Variants in TEP1 observed in about 807,000 individuals in gnomAD.
TEP1 encodes telomerase protein component 1.
A neutral mutation model predicts 306.3 loss-of-function variants in TEP1; 241 were observed. The ratio of observed to expected loss-of-function variants is 0.79; its 90% confidence interval spans 0.71 to 0.88. The LOEUF (loss-of-function observed/expected upper bound fraction) is 0.88. Among genes scored for constraint, TEP1 ranks in the 40% least tolerant of loss-of-function variants. TEP1 has a pLI of 0.00. For synonymous variants in TEP1, 1,289 were observed against 1,305.5 expected (o/e 0.99, Z 0.27); for missense variants, 3,051 against 3,276.1 (o/e 0.93, Z 1.68).
At chr14:20,403,497 T>C (rs750963338) in intron 6 of TEP1, 49 bp from the exon 7 acceptor site, 92 of 1,611,442 alleles carry the variant, frequency 5.7e-5, no homozygotes, top group Non-Finnish European at 7.4e-5. Context: ...TGGCTGTCCT[T>C]GAAGAGATCC....
rs762700538 is a variant in TEP1, at chr14:20,379,117, G to C, written c.5128-12C>G. The C allele has an allele frequency of 5.0e-6, 8 of 1,613,558 alleles. No individual in the cohort carries two copies. The highest frequency in any genetic ancestry group is 6.8e-6 in the Non-Finnish European group (8 of 1,179,696). On this transcript the variant is annotated splice_polypyrimidine_tract_variant and intron_variant, in intron 35 of 54. Coordinates refer to ENST00000262715, the MANE Select transcript of TEP1 (RefSeq NM_007110.5). ...ACAGACTTCTCCTCCTGCGACAGTG[G>C]GTGAGGGAGCGCAGCTCAGGCCATC...
chr14:20,412,862 G>T (rs1026422615), intron 1 of TEP1, among the ~76,000 whole-genome samples: 13 of 151,756 alleles, frequency 8.6e-5, no homozygotes, highest in Admixed American at 2.0e-4. Flanking sequence ...TTTTCACCAT[G>T]TTGGTCAGGC....
At chr14:20,380,088 A>G (rs750118597) in intron 34 of TEP1, 35 bp from the exon 35 acceptor site, 9 of 1,600,988 alleles carry the variant, frequency 5.6e-6, no homozygotes, top group Non-Finnish European at 7.7e-6. Context: ...GAGGAAATAA[A>G]CGAGAGAATG....
rs768190702 is a variant in TEP1 at position 20,381,975 on chromosome 14, A to G, written c.4362T>C (p.Ala1454=). The change falls in exon 30 of 55, where the codon GCT becomes GCC. Residue 1454 remains alanine, a synonymous_variant. Coordinates refer to ENST00000262715, the MANE Select transcript of TEP1 (RefSeq NM_007110.5). This position sits in a 1 kb window ranked among gnomAD's most constrained non-coding sequence, Gnocchi z 4.0. ...TGGGGTAGGGGTCTCCACTGTTACC[A>G]GCAGCCACTGCTTCTTCCCAGCTCT... The part of the protein sequence containing the change: ...GTKSWEEAVA[A]GNSGDPYPMG... 1 of 1,614,146 alleles carries G rather than the reference A, an allele frequency of 6.2e-7. No homozygotes were observed. The highest frequency in any genetic ancestry group is 1.7e-5 in the Admixed American group (1 of 60,022).
Position 20,403,852 on chromosome 14 carries a change from C to T in TEP1, c.1065G>A (p.Val355=), listed in dbSNP as rs1056719653. 1 of 1,613,990 alleles carries T rather than the reference C, an allele frequency of 6.2e-7. No homozygotes were observed. Among genetic ancestry groups the T allele is most frequent in the Non-Finnish European group, 8.5e-7 (1 of 1,180,016 alleles). The change falls in exon 6 of 55, where the codon GTG becomes GTA. Residue 355 remains valine, a synonymous_variant. Transcript: ENST00000262715. The part of the protein sequence containing the change: ...SLAEGDKNKL[V]PLPACLRTAM... ...CAGTACGGAGACAGGCGGGCAGGGGCACCAGCTTATTCTTATCTCCCTCAG... is the reference window on the plus strand; with the variant it reads ...CAGTACGGAGACAGGCGGGCAGGGGTACCAGCTTATTCTTATCTCCCTCAG...
At chr14:20,382,400 G>A in intron 28 of TEP1, 44 bp from the exon 29 acceptor site, 2 of 1,574,040 alleles carry the variant, frequency 1.3e-6, no homozygotes, top group Non-Finnish European at 8.6e-7. Context: ...AGTGGGAGGA[G>A]AAGCAGCTTG....
At chr14:20,406,512 G>A in intron 2 of TEP1, 112 bp from the exon 3 acceptor site, 7 of 1,074,772 alleles carry the variant, frequency 6.5e-6, no homozygotes, top group Non-Finnish European at 9.6e-6. Flanking sequence ...TCCATTAATA[G>A]CACCTCTAAT....
rs945011 is a variant in TEP1 at position 20,386,575 on chromosome 14, A to G, written c.2733T>C (p.His911=). Reference sequence around the variant, plus strand: ...ACCTCAGCAGCAGGTCCCGCTCCCCATGCATGTCTCGGAAAGTGGATGAAA... The same window carrying G: ...ACCTCAGCAGCAGGTCCCGCTCCCCGTGCATGTCTCGGAAAGTGGATGAAA... ...LFISSTFRDM[H]GERDLLLRSV... is the part of the protein sequence containing the mutation. Residue 911 remains histidine (H), a synonymous_variant, in exon 19 of 55, where the codon CAT becomes CAC. Coordinates refer to ENST00000262715, the MANE Select transcript of TEP1 (RefSeq NM_007110.5). 0.99 allele frequency: 1,593,332 copies of G among 1,610,312 alleles called. 788,284 individuals carry two copies. The highest frequency in any genetic ancestry group is 1 in the East Asian group (44,716 of 44,718).
chr14:20,372,786 T>C lies in TEP1; in HGVS notation c.7023A>G (p.Lys2341=). 1 of 1,614,146 alleles carries C rather than the reference T, an allele frequency of 6.2e-7. No homozygotes were observed. Among genetic ancestry groups the C allele is most frequent in the Non-Finnish European group, 8.5e-7 (1 of 1,180,010 alleles). ...GCAGTTTCACTTGCCACTCGCTGAT[T>C]TTCTCATCAGCACTGAGGACAAAAA... is the stretch of plus-strand genomic sequence containing the variant. ...HTFFVLSADE[K]ISEWQVKLRK... The change falls in exon 49 of 55, where the codon AAA becomes AAG. Residue 2341 remains lysine (K), a synonymous_variant. Transcript: ENST00000262715.
chr14:20,377,323 C>A lies in TEP1; in HGVS notation c.6045G>T (p.Val2015=). ...GCTCCTGGGAAGTGGCCAGTCCTAG[C>A]ACAGGCTTCTGGAATCTGGACAGGA... is the stretch of plus-strand genomic sequence containing the variant. ...LWLLSRFQKP[V]LGLATSQELL... The change falls in exon 41 of 55, where the codon GTG becomes GTT. Residue 2015 remains valine, a synonymous_variant. Transcript: ENST00000262715. 1 of 1,614,134 alleles carries A rather than the reference C, an allele frequency of 6.2e-7. No homozygotes were observed. Among genetic ancestry groups the A allele is most frequent in the African/African-American group, 1.3e-5 (1 of 75,032 alleles).
chr14:20,370,756 A>G (rs1884784383), intron 51 of TEP1, among the ~76,000 whole-genome samples: 1 of 152,204 alleles, frequency 6.6e-6, no homozygotes, highest in South Asian at 2.1e-4. Flanking sequence ...AGTGGGTAGC[A>G]GGTCAGGATT....
Position 20,380,993 on chromosome 14 carries a change from A to G in TEP1, c.4700T>C (p.Val1567Ala), listed in dbSNP as rs1349810533. 4 of 1,614,052 alleles carry G rather than the reference A, an allele frequency of 2.5e-6. No individual in the cohort carries two copies. The highest frequency in any genetic ancestry group is 3.4e-6 in the Non-Finnish European group (4 of 1,180,036). Residue 1567 changes from valine to alanine, a missense_variant, in exon 33 of 55, where the codon GTG becomes GCG. Physicochemically the swap from Val to Ala is moderately conservative, Grantham distance 64. Around this residue, in one of 3 missense-constraint regions of TEP1, gnomAD observed 1,540 missense variants for 1,705.9 expected, o/e 0.90. Transcript: ENST00000262715. ...LLSKFLTNLH[V>A]VAAHLELGLV... ...ACCCAATTCCAAGTGTGCAGCCACCACATGGAGGTTGGTAAGGAACTTCGA... is the reference window on the plus strand; with the variant it reads ...ACCCAATTCCAAGTGTGCAGCCACCGCATGGAGGTTGGTAAGGAACTTCGA...
intron 51 of TEP1, 92 bp downstream of exon 51, chr14:20,371,126 T>C (rs1884806074): frequency 9.2e-7 from 1 of 1,092,314 alleles, no homozygotes; most frequent in Non-Finnish European, 1.4e-6. Flanking sequence ...CAACTGCCTT[T>C]CCCTTCCCTA....
Position 20,410,758 on chromosome 14 carries a change from C to A in TEP1, c.-24-2295G>T, listed in dbSNP as rs567012780. On this transcript the variant is annotated intron_variant, in intron 1 of 54. Transcript: ENST00000262715. ...CCTGGCGGACTCCTTTTTTTTTAAG[C>A]ATGTTTGCTTATTAGCCCACTTGCT... 2.2e-5 allele frequency among the ~76,000 whole-genome samples: 3 copies of A among 138,520 alleles called. No individual in the cohort carries two copies. In the South Asian group the frequency reaches 6.9e-4, roughly 32 times the overall value. The allele number at this position is 138,520 out of a possible 152,430, so 90.9% of individuals were successfully genotyped here.
intron 43 of TEP1, among the ~76,000 whole-genome samples, chr14:20,375,514 T>C (rs1488305198): frequency 6.6e-6 from 1 of 152,234 alleles, no homozygotes; most frequent in Non-Finnish European, 1.5e-5. Flanking sequence ...GGAAATGTTC[T>C]GAGTTCAATT....
Position 20,369,518 on chromosome 14 carries a change from G to C in TEP1, c.7482C>G (p.Ser2494Arg). ...DGILWNLAKC[S>R]PEGEWTTGNM... ...TACCTGTGGTCCATTCTCCTTCTGG[G>C]CTGCATTTGGCCAGGTTCCATAGGA... Residue 2494 changes from serine (S) to arginine (R), a missense_variant, in exon 53 of 55, where the codon AGC becomes AGG. Ser to Arg is a moderately radical substitution (Grantham distance 110). Transcript: ENST00000262715. The C allele has an allele frequency of 6.2e-7, 1 of 1,614,100 alleles. No individual in the cohort carries two copies. The highest frequency in any genetic ancestry group is 8.5e-7 in the Non-Finnish European group (1 of 1,180,032).
At chr14:20,412,001 T>C (rs2184282) in intron 1 of TEP1, among the ~76,000 whole-genome samples, 20,366 of 152,070 alleles carry the variant, frequency 0.13, 1,459 homozygotes, top group East Asian at 0.23. Context: ...TAATCTCTCA[T>C]TCATATGTAA....
At position 20,383,367 on chromosome 14, in the gene TEP1, G is replaced by T; in HGVS notation, c.3868-14C>A. The T allele has an allele frequency of 6.2e-7, 1 of 1,601,362 alleles. No homozygotes were observed. Among genetic ancestry groups the T allele is most frequent in the East Asian group, 2.2e-5 (1 of 44,692 alleles). Reference sequence around the variant, plus strand: ...CAGGTGTACACACTGTGATATTTGGGCAAAGGGGCAGGAAGGTAGAAAGAA... The same window carrying T: ...CAGGTGTACACACTGTGATATTTGGTCAAAGGGGCAGGAAGGTAGAAAGAA... On this transcript the variant is annotated splice_polypyrimidine_tract_variant and intron_variant, in intron 26 of 54. Coordinates refer to ENST00000262715, the MANE Select transcript of TEP1 (RefSeq NM_007110.5).
At chr14:20,376,319 C>A in intron 41 of TEP1, 55 bp from the exon 42 acceptor site, 1 of 1,566,288 alleles carries the variant, frequency 6.4e-7, no homozygotes, top group Non-Finnish European at 8.7e-7. Context: ...GCCAGACAGG[C>A]CCTGGGAGGC....
Sources: allele counts gnomAD v4.1 joint callset (sites outside exome capture counted in the v4.1 genomes callset), GRCh38; gene constraint gnomAD v4.1.1; regional missense constraint gnomAD v4.1.1; non-coding constraint Gnocchi (gnomAD v3.1); transcripts MANE v1.5; gene names NCBI Gene and HGNC (gene_info 2026-07-23, HGNC 2026-07-21).